Variants in PITPNA observed in about 807,000 individuals in gnomAD.
PITPNA encodes the protein phosphatidylinositol transfer protein alpha isoform.
A neutral mutation model predicts 50.3 loss-of-function variants in PITPNA; 13 were observed. The observed-to-expected ratio is 0.26, with a 90% CI of 0.17 to 0.41. The LOEUF is 0.41. PITPNA is among the 10% of genes least tolerant of loss of function. The probability of loss-of-function intolerance (pLI) is 1.00; values close to 1 mark genes in which losing one functional copy is unlikely to be tolerated. For synonymous variants in PITPNA, 120 were observed against 119.6 expected, an observed-to-expected ratio of 1.00 and a Z score of -0.02; for missense variants, 207 against 333.4, an observed-to-expected ratio of 0.62 and a Z score of 2.95.
chr17:1,524,481 C>T (rs1385261934), intron 10 of PITPNA, among the ~76,000 whole-genome samples: 2 of 151,758 alleles, frequency 1.3e-5, no homozygotes, highest in African/African-American at 2.4e-5. Context: ...GCTGGTCTCA[C>T]ACTCCTGGAC....
chr17:1,541,833 C>A, intron 5 of PITPNA, 193 bp from the exon 6 acceptor site: 1 of 682,758 alleles, frequency 1.5e-6, no homozygotes, highest in Non-Finnish European at 2.8e-6. Flanking sequence ...ATCCTCACCC[C>A]AGCCTGAGAG....
At chr17:1,545,428 CT>C (rs1228793440) in intron 4 of PITPNA, among the ~76,000 whole-genome samples, 1 of 152,228 alleles carries the variant, frequency 6.6e-6, no homozygotes, top group East Asian at 1.9e-4. Context: ...CCTTCCTTGC[CT>C]GCTGGTATCT....
intron 7 of PITPNA, among the ~76,000 whole-genome samples, chr17:1,537,939 T>TC (rs1252135942): frequency 1.3e-5 from 2 of 152,076 alleles, no homozygotes; most frequent in Non-Finnish European, 2.9e-5. Flanking sequence ...TAGCTGGGAT[T>TC]ACAGGCACGT....
At chr17:1,536,569 G>C (rs376615451) in intron 7 of PITPNA, among the ~76,000 whole-genome samples, 2 of 151,018 alleles carry the variant, frequency 1.3e-5, no homozygotes, top group Admixed American at 6.6e-5. Flanking sequence ...GATTACAGGC[G>C]TGAGCCACCG....
chr17:1,560,927 T>C (rs1019979080), intron 1 of PITPNA, among the ~76,000 whole-genome samples: 10 of 152,176 alleles, frequency 6.6e-5, no homozygotes, highest in African/African-American at 2.4e-4. Context: ...CTCCACTCTA[T>C]GTCCTAAATG....
chr17:1,529,603 C>G (rs2075569069), intron 10 of PITPNA, among the ~76,000 whole-genome samples: 1 of 151,896 alleles, frequency 6.6e-6, no homozygotes, highest in Non-Finnish European at 1.5e-5. Flanking sequence ...AACTGTAATC[C>G]TAGCACCTTG....
At chr17:1,522,686 T>C (rs559845274) in intron 10 of PITPNA, among the ~76,000 whole-genome samples, 3 of 152,350 alleles carry the variant, frequency 2.0e-5, no homozygotes, top group African/African-American at 7.2e-5. Flanking sequence ...GTGAGGCATC[T>C]CTTTAGTGCT....
At chr17:1,553,953 C>T (rs1325820379) in intron 2 of PITPNA, among the ~76,000 whole-genome samples, 1 of 152,232 alleles carries the variant, frequency 6.6e-6, no homozygotes, top group East Asian at 1.9e-4. Flanking sequence ...TCTGTGCCGG[C>T]TGGGTGCACC....
At chr17:1,542,698 A>G (rs938532736) in intron 5 of PITPNA, among the ~76,000 whole-genome samples, 22 of 152,190 alleles carry the variant, frequency 1.4e-4, no homozygotes, top group African/African-American at 5.3e-4. Flanking sequence ...TGGGGAAGGG[A>G]TGTCGGTCAG....
At chr17:1,522,316 CCG>C (rs775492944) in intron 10 of PITPNA, among the ~76,000 whole-genome samples, 1 of 151,566 alleles carries the variant, frequency 6.6e-6, no homozygotes, top group Non-Finnish European at 1.5e-5. Context: ...CATGATCCAC[CCG>C]CCTCGGCCTC....
chr17:1,528,878 C>T (rs2075563154), intron 10 of PITPNA, among the ~76,000 whole-genome samples: 1 of 152,128 alleles, frequency 6.6e-6, no homozygotes, highest in South Asian at 2.1e-4. Context: ...TGGCTCACAC[C>T]TGTAATCCCA....
chr17:1,524,412 A>C (rs2075534934), intron 10 of PITPNA, among the ~76,000 whole-genome samples: 1 of 145,854 alleles, frequency 6.9e-6, no homozygotes, highest in Non-Finnish European at 1.5e-5. Flanking sequence ...TGGTGCGATC[A>C]CCATGCAAGG....
chr17:1,531,223 T>TGCTG (rs1309018931), intron 10 of PITPNA, among the ~76,000 whole-genome samples: 1 of 152,070 alleles, frequency 6.6e-6, no homozygotes, highest in Non-Finnish European at 1.5e-5. Flanking sequence ...GCCTCCAGAA[T>TGCTG]GCTGGCTGCC....
intron 10 of PITPNA, among the ~76,000 whole-genome samples, chr17:1,524,337 C>A (rs1323337458): frequency 4.7e-4 from 70 of 147,484 alleles, no homozygotes; most frequent in Non-Finnish European, 6.4e-4. Context: ...AGCCATCGCA[C>A]CTGGCCTTTT....
intron 7 of PITPNA, among the ~76,000 whole-genome samples, chr17:1,536,489 C>A (rs1231345704): frequency 6.6e-6 from 1 of 152,042 alleles, no homozygotes; most frequent in Non-Finnish European, 1.5e-5. Context: ...CGGGGTTTCA[C>A]CGTGTTAGCC....
intron 4 of PITPNA, among the ~76,000 whole-genome samples, chr17:1,545,917 CTTTTTTTTTT>C (rs11322049): frequency 1.2e-5 from 1 of 86,368 alleles, no homozygotes; most frequent in Non-Finnish European, 2.1e-5. Flanking sequence ...TGCATACTGC[CTTTTTTTTTT>C]TTTTTTTTTT....
At chr17:1,542,149 G>A (rs745576119) in intron 5 of PITPNA, among the ~76,000 whole-genome samples, 3 of 151,388 alleles carry the variant, frequency 2.0e-5, no homozygotes, top group Non-Finnish European at 4.4e-5. Context: ...GCAGGGAGCC[G>A]AGATTGCACC....
In PITPNA at chr17:1,537,777, G is replaced by A. The variant is rs748367068; in HGVS notation, c.456+1092C>T. On this transcript the variant is annotated intron_variant, in intron 7 of 11. Coordinates refer to ENST00000313486, the MANE Select transcript of PITPNA (RefSeq NM_006224.4). ...CACAAGATGGTTTTTATATCTTTTC[G>A]GAAATGCACAAATCAAAATAACTTT... is the stretch of plus-strand genomic sequence containing the variant. 6.6e-5 allele frequency among the ~76,000 whole-genome samples: 10 copies of A among 151,990 alleles called. No homozygotes were observed. In the South Asian group the frequency reaches 8.3e-4, roughly 13 times the overall value.
At chr17:1,546,143 G>A (rs2075673291) in intron 4 of PITPNA, among the ~76,000 whole-genome samples, 1 of 151,810 alleles carries the variant, frequency 6.6e-6, no homozygotes, top group African/African-American at 2.4e-5. Context: ...TAGCCAGGCC[G>A]GTCTTGAACT....
Sources: gnomAD v4.1 joint callset for allele counts (sites outside exome capture counted in the v4.1 genomes callset) on GRCh38, gnomAD v4.1.1 for gene constraint, MANE v1.5 for transcripts, NCBI Gene and HGNC (gene_info 2026-07-23, HGNC 2026-07-21) for gene names.